The following CELF4 variants were observed in gnomAD, a reference collection of about 807,000 sequenced individuals.
CELF4 encodes the protein CUG-BP- and ETR-3-like factor 4.
In CELF4, 18 loss-of-function variants were observed where a neutral mutation model predicts 59.9. That is an observed-to-expected ratio of 0.30 (90% CI 0.21 to 0.45). The LOEUF (loss-of-function observed/expected upper bound fraction) is 0.45, where lower values mean the gene tolerates loss of function less well. CELF4 is among the 20% of genes least tolerant of loss of function. The pLI, the probability that CELF4 is intolerant of heterozygous loss-of-function variation, is 1.00. For missense variants in CELF4, 456 were observed against 689.0 expected (o/e 0.66, Z 3.79); for synonymous variants, 261 against 267.1 (o/e 0.98, Z 0.22).
At chr18:37,315,753 G>A (rs546019473) in intron 3 of CELF4, among the ~76,000 whole-genome samples, 3 of 152,282 alleles carry the variant, frequency 2.0e-5, no homozygotes, top group Admixed American at 6.5e-5. Flanking sequence ...GAGATAGCAC[G>A]CATCTGCAGT....
intron 3 of CELF4, among the ~76,000 whole-genome samples, chr18:37,288,578 C>T (rs936593792): frequency 2.6e-5 from 4 of 152,204 alleles, no homozygotes; most frequent in Non-Finnish European, 5.9e-5. Flanking sequence ...AGACTTTGAA[C>T]CAGGTGGCCC....
At chr18:37,549,205 T>C (rs891929679) in intron 1 of CELF4, among the ~76,000 whole-genome samples, 1 of 152,158 alleles carries the variant, frequency 6.6e-6, no homozygotes, top group African/African-American at 2.4e-5. Flanking sequence ...GTAAGTAGCA[T>C]TTGCTATTTT....
chr18:37,270,586 A>AT (rs1432011657), intron 8 of CELF4, among the ~76,000 whole-genome samples, 182 bp downstream of exon 8: 6 of 152,066 alleles, frequency 3.9e-5, no homozygotes, highest in South Asian at 2.1e-4. Context: ...TTTTGGTCTC[A>AT]TTTTTTCCAT....
chr18:37,285,123 T>G (rs2094603800), intron 3 of CELF4, among the ~76,000 whole-genome samples: 1 of 152,222 alleles, frequency 6.6e-6, no homozygotes, highest in South Asian at 2.1e-4. Context: ...CATAGCCTGC[T>G]GCTAGCTGCA....
chr18:37,500,818 G>C (rs2099930936), intron 1 of CELF4, among the ~76,000 whole-genome samples: 1 of 152,140 alleles, frequency 6.6e-6, no homozygotes, highest in African/African-American at 2.4e-5. Context: ...ACAGGTGTGA[G>C]CCACCACACC....
intron 2 of CELF4, among the ~76,000 whole-genome samples, chr18:37,455,981 C>A (rs1189475317): frequency 6.6e-6 from 1 of 152,212 alleles, no homozygotes; most frequent in African/African-American, 2.4e-5. Context: ...TCTCTAGCAG[C>A]ATGAAATGCA....
chr18:37,371,520 C>A (rs1423640149), intron 2 of CELF4, among the ~76,000 whole-genome samples: 1 of 152,224 alleles, frequency 6.6e-6, no homozygotes, highest in Non-Finnish European at 1.5e-5. Flanking sequence ...AAAGATCCCT[C>A]CTTTCCAGAG....
At chr18:37,257,411 C>T (rs534434889) in intron 11 of CELF4, among the ~76,000 whole-genome samples, 1 of 152,304 alleles carries the variant, frequency 6.6e-6, no homozygotes, top group East Asian at 1.9e-4. Flanking sequence ...TGGAGGACTG[C>T]AACCCTGTCT....
At chr18:37,491,192 C>G in intron 1 of CELF4, among the ~76,000 whole-genome samples, 1 of 129,130 alleles carries the variant, frequency 7.7e-6, no homozygotes. Flanking sequence ...CACCTCCTCT[C>G]CTCACCTGAG....
At chr18:37,333,096 T>C (rs905646480) in intron 2 of CELF4, among the ~76,000 whole-genome samples, 1 of 152,232 alleles carries the variant, frequency 6.6e-6, no homozygotes, top group Admixed American at 6.5e-5. Flanking sequence ...ATAATTCTGA[T>C]GAAACAGGCC....
chr18:37,387,613 C>T (rs556042026), intron 2 of CELF4, among the ~76,000 whole-genome samples: 5 of 152,180 alleles, frequency 3.3e-5, no homozygotes, highest in Non-Finnish European at 7.3e-5. Flanking sequence ...GTTGAGGACT[C>T]TGGTCTGGGG....
intron 3 of CELF4, among the ~76,000 whole-genome samples, chr18:37,285,451 G>A (rs981451877): frequency 2.0e-5 from 3 of 152,260 alleles, no homozygotes; most frequent in Admixed American, 6.5e-5. Context: ...ACCTGAGAAA[G>A]GGGTTTGTAG....
intron 1 of CELF4, among the ~76,000 whole-genome samples, chr18:37,564,638 G>T (rs951773575): frequency 2.0e-5 from 3 of 152,020 alleles, no homozygotes; most frequent in Non-Finnish European, 4.4e-5. Flanking sequence ...CTGGGAAGGG[G>T]ACTATCCAGG....
At chr18:37,476,954 G>A (rs938260464) in intron 2 of CELF4, among the ~76,000 whole-genome samples, 2 of 152,216 alleles carry the variant, frequency 1.3e-5, no homozygotes, top group African/African-American at 4.8e-5. Flanking sequence ...CATGACCAGA[G>A]AGCGAAGCTT....
chr18:37,340,500 A>G (rs2097965070), intron 2 of CELF4, among the ~76,000 whole-genome samples: 1 of 152,222 alleles, frequency 6.6e-6, no homozygotes, highest in Non-Finnish European at 1.5e-5. Context: ...CAGTGGGGAC[A>G]TGGTCTTGTG....
intron 3 of CELF4, among the ~76,000 whole-genome samples, chr18:37,310,222 G>T (rs1262910954): frequency 1.3e-5 from 2 of 152,146 alleles, no homozygotes; most frequent in African/African-American, 4.8e-5. Context: ...GGGCAAGACA[G>T]CACTGTGAGA....
chr18:37,253,925 G>A lies in CELF4; in HGVS notation c.1347C>T (p.Phe449=), dbSNP rs1213216912. The A allele has an allele frequency of 6.2e-7, 1 of 1,604,972 alleles. No homozygotes were observed. The change falls in exon 12 of 13, where the codon TTC becomes TTT. Residue 449 remains phenylalanine, a synonymous_variant. Coordinates refer to ENST00000420428, the MANE Select transcript of CELF4 (RefSeq NM_020180.4). This position sits in a 1 kb window ranked among gnomAD's most constrained non-coding sequence, Gnocchi z 4.5. ...QMFLPFGFVS[F]DNPASAQTAI... is the part of the protein sequence containing the mutation. ...CGGTCTGCGCGCTGGCCGGGTTGTC[G>A]AAGCTCACGAAGCCTGGCGAGACAC... is the stretch of plus-strand genomic sequence containing the variant.
chr18:37,556,881 G>T (rs16969072), intron 1 of CELF4, among the ~76,000 whole-genome samples: 4,216 of 152,270 alleles, frequency 0.028, 212 homozygotes, highest in African/African-American at 0.096. Context: ...TCCAAGGGTT[G>T]CTTTCAAGTA....
intron 6 of CELF4, chr18:37,273,473 C>T (rs889286979): frequency 1.9e-6 from 2 of 1,073,586 alleles, no homozygotes; most frequent in Middle Eastern, 4.2e-4. Flanking sequence ...GCCTGTCATT[C>T]GTGGGGAAGT....
Sources: allele counts gnomAD v4.1 joint callset (sites outside exome capture counted in the v4.1 genomes callset), GRCh38; gene constraint gnomAD v4.1.1; non-coding constraint Gnocchi (gnomAD v3.1); transcripts MANE v1.5; gene names NCBI Gene and HGNC (gene_info 2026-07-23, HGNC 2026-07-21).